The following XPC variants were observed in gnomAD, a reference collection of about 807,000 sequenced individuals.
The protein encoded by XPC is XPC complex subunit, DNA damage recognition and repair factor, also known as DNA repair protein complementing XP-C cells.
XPC carries 76 observed loss-of-function variants against 95.8 expected under a neutral mutation model. The ratio of observed to expected loss-of-function variants is 0.79; its 90% CI spans 0.66 to 0.96. The LOEUF (loss-of-function observed/expected upper bound fraction) is 0.96, where lower values mean the gene tolerates loss of function less well. Ranked by LOEUF, XPC falls within the 40% of genes least tolerant of loss-of-function variation. XPC has a pLI of 0.00. For missense variants in XPC, 1,146 were observed against 1,179.8 expected (o/e 0.97, Z 0.42); for synonymous variants, 442 against 442.1 (o/e 1.00, Z 0.00).
intron 11 of XPC, among the ~76,000 whole-genome samples, chr3:14,151,004 A>G (rs2607734): frequency 0.65 from 98,598 of 151,912 alleles, 32,300 homozygotes; most frequent in African/African-American, 0.73. Flanking sequence ...AGTGACTGAC[A>G]GGGGAATGGA....
chr3:14,164,773 C>T (rs1696304281), intron 7 of XPC, 40 bp downstream of exon 7: 1 of 1,598,794 alleles, frequency 6.3e-7, no homozygotes, highest in Non-Finnish European at 8.6e-7. Context: ...CATTAGTTAA[C>T]AGTACTGATA....
chr3:14,147,042 A>G (rs1695467813), intron 15 of XPC, among the ~76,000 whole-genome samples: 1 of 152,134 alleles, frequency 6.6e-6, no homozygotes, highest in African/African-American at 2.4e-5. Flanking sequence ...GGCATTGCTC[A>G]TGTGGACAGT....
Position 14,164,874 on chromosome 3 carries a change from T to A in XPC, c.839A>T (p.Gln280Leu), listed in dbSNP as rs768346043. 9 of 1,613,030 alleles carry A rather than the reference T, an allele frequency of 5.6e-6. 1 individual carries two copies. The South Asian group carries it at 9.9e-5, about 18-fold the overall frequency. The change falls in exon 7 of 16, where the codon CAG (glutamine) becomes CTG (leucine). Residue 280 changes from glutamine (Q) to leucine (L), a missense_variant. By Grantham distance (113) the Gln-to-Leu change is moderately radical. Transcript: ENST00000285021. ...ELSASEQDNLQTTLERRFAIY... is the reference protein window; with the variant it reads ...ELSASEQDNLLTTLERRFAIY... ...AGCAAATCTCCTTTCCAATGTAGTC[T>A]GCAGGTTATCTTGTTCACTGGCTGA...
Position 14,164,911 on chromosome 3 carries a change from T to C in XPC, c.802A>G (p.Asn268Asp). The C allele has an allele frequency of 6.2e-7, 1 of 1,611,904 alleles. No homozygotes were observed. The highest frequency in any genetic ancestry group is 8.5e-7 in the Non-Finnish European group (1 of 1,178,972). The part of the protein sequence containing the change: ...VKWFIGTFTV[N>D]AELSASEQDN... ...TGTTCACTGGCTGAAAGTTCTGCAT[T>C]AACTGTAAATGTTCCAATGAACCTG... Residue 268 changes from asparagine to aspartate, a missense_variant, in exon 7 of 16, where the codon AAT (asparagine) becomes GAT (aspartate). Asn to Asp is a conservative substitution (Grantham distance 23). Transcript: ENST00000285021.
At chr3:14,162,354 C>T (rs1483886134) in intron 7 of XPC, among the ~76,000 whole-genome samples, 4 of 152,168 alleles carry the variant, frequency 2.6e-5, no homozygotes, top group Non-Finnish European at 5.9e-5. Flanking sequence ...AACAGAGTTA[C>T]ACTGAGGCTT....
At position 14,147,938 on chromosome 3, in the gene XPC, C is replaced by A; in HGVS notation, c.2484G>T (p.Glu828Asp). Reference sequence around the variant, plus strand: ...TCTCCTTCCTTTCAATGACTGCCTGCTCATTTTCCCAGGCAGTCAGGAGCA... The same window carrying A: ...TCTCCTTCCTTTCAATGACTGCCTGATCATTTTCCCAGGCAGTCAGGAGCA... ...KDVLLTAWEN[E>D]QAVIERKEKE... is the part of the protein sequence containing the mutation. Residue 828 changes from glutamate to aspartate, a missense_variant, in exon 14 of 16, where the codon GAG becomes GAT. Transcript: ENST00000285021. 6.2e-7 allele frequency: 1 copy of A among 1,603,692 alleles called. No individual in the cohort carries two copies. The highest frequency in any genetic ancestry group is 8.5e-7 in the Non-Finnish European group (1 of 1,174,694).
Position 14,147,901 on chromosome 3 carries a change from C to A in XPC, c.2514+7G>T. The A allele has an allele frequency of 6.3e-7, 1 of 1,592,470 alleles. No individual in the cohort carries two copies. The highest frequency in any genetic ancestry group is 1.8e-5 in the Admixed American group (1 of 57,020). On this transcript the variant is annotated splice_region_variant and intron_variant, in intron 14 of 15. Coordinates refer to ENST00000285021, the MANE Select transcript of XPC (RefSeq NM_004628.5). ...CTGCTGTCCCTCAGTCCTGCATATG[C>A]GCTTACCTCCTTCTCCTTCCTTTCA...
chr3:14,161,608 A>C (rs1696169146), intron 7 of XPC, among the ~76,000 whole-genome samples: 2 of 150,756 alleles, frequency 1.3e-5, no homozygotes, highest in Admixed American at 1.3e-4. Context: ...CACCTGAGAC[A>C]ATCCAACAGG....
intron 1 of XPC, among the ~76,000 whole-genome samples, chr3:14,177,461 T>C (rs893429189): frequency 6.6e-6 from 1 of 152,014 alleles, no homozygotes; most frequent in African/African-American, 2.4e-5. Flanking sequence ...GTAAAAGCCA[T>C]GGGGGGTTCA....
At chr3:14,151,490 G>A (rs1011879422) in intron 11 of XPC, 4 of 152,156 alleles carry the variant, frequency 2.6e-5, no homozygotes, top group Non-Finnish European at 5.9e-5. Context: ...GCCCAGGCAG[G>A]GGGCATCGCC....
rs2125026391 is a variant in XPC, at chr3:14,158,755, G to C, written c.1128C>G (p.Thr376=). The change falls in exon 9 of 16, where the codon ACC becomes ACG. Residue 376 remains threonine (T), a synonymous_variant. Transcript: ENST00000285021. This position sits in a 1 kb window ranked among gnomAD's most constrained non-coding sequence, Gnocchi z 5.2. ...TKQEETFAKG[T]CRPSAKGKRN... ...TCTTCCCTTTGGCACTTGGCCTGCA[G>C]GTGCCCTTAGCAAAGGTTTCCTCTT... The C allele has an allele frequency of 1.2e-6, 2 of 1,613,896 alleles. No individual in the cohort carries two copies. Among genetic ancestry groups the C allele is most frequent in the Non-Finnish European group, 1.7e-6 (2 of 1,179,882 alleles).
intron 1 of XPC, 151 bp downstream of exon 1, chr3:14,178,315 G>GGCCGGCCGCA (rs915460111): frequency 3.4e-6 from 3 of 870,074 alleles, no homozygotes; most frequent in Non-Finnish European, 5.0e-6. Context: ...CAGCGGGGAG[G>GGCCGGCCGCA]GCCGGCCGCA....
In XPC at chr3:14,165,470, G is replaced by A. The variant is rs1443207363; in HGVS notation, c.737C>T (p.Pro246Leu). The A allele has an allele frequency of 2.5e-6, 4 of 1,604,160 alleles. No individual in the cohort carries two copies. Among genetic ancestry groups the A allele is most frequent in the Non-Finnish European group, 3.4e-6 (4 of 1,175,210 alleles). Residue 246 changes from proline to leucine, a missense_variant, in exon 6 of 16, where the codon CCT (proline) becomes CTT (leucine). Pro to Leu is a moderately conservative substitution (Grantham distance 98). Coordinates refer to ENST00000285021, the MANE Select transcript of XPC (RefSeq NM_004628.5). ...GAGGTAGTAGGTGTCCACATCTCGAGGCAGCACTCTGGTAAAGCGGGCTGG... is the reference window on the plus strand; with the variant it reads ...GAGGTAGTAGGTGTCCACATCTCGAAGCAGCACTCTGGTAAAGCGGGCTGG... ...IIPARFTRVLPRDVDTYYLSN... is the reference protein window; with the variant it reads ...IIPARFTRVLLRDVDTYYLSN...
intron 10 of XPC, among the ~76,000 whole-genome samples, chr3:14,153,791 T>C (rs1049987745): frequency 1.3e-5 from 2 of 152,312 alleles, no homozygotes. Flanking sequence ...CTAGGGACAG[T>C]GAGCTTGCCC....
In XPC at chr3:14,147,350, C is replaced by T. The variant is rs1317050260; in HGVS notation, c.2544G>A (p.Trp848Ter). Residue 848 changes from tryptophan (W) to a stop codon, truncating the protein, a stop_gained, in exon 15 of 16, where the codon TGG becomes TGA. Coordinates refer to ENST00000285021, the MANE Select transcript of XPC (RefSeq NM_004628.5). LOFTEE classifies it high-confidence loss of function. ...TGAGCAGACCTTTGGCCAGCAACTT[C>T]CAGTTCCCTAGAGCCCGCTTCTCCT... is the stretch of plus-strand genomic sequence containing the variant. ...EKKEKRALGN[W>*]KLLAKGLLIR... is the part of the protein sequence containing the mutation. The T allele has an allele frequency of 5.6e-6, 9 of 1,611,680 alleles. No homozygotes were observed. Among genetic ancestry groups the T allele is most frequent in the Non-Finnish European group, 7.6e-6 (9 of 1,178,998 alleles).
chr3:14,158,518 G>A lies in XPC; in HGVS notation c.1365C>T (p.Pro455=), dbSNP rs753527196. The A allele has an allele frequency of 1.9e-6, 3 of 1,612,510 alleles. No individual in the cohort carries two copies. In the Admixed American group the frequency reaches 5.0e-5, roughly 27 times the overall value. Residue 455 remains proline (P), a synonymous_variant, in exon 9 of 16, where the codon CCC becomes CCT. Coordinates refer to ENST00000285021, the MANE Select transcript of XPC (RefSeq NM_004628.5). The surrounding 1 kb of genome is among the most constrained non-coding windows in gnomAD (Gnocchi z 5.2). The stretch of plus-strand genomic sequence containing the variant: ...GGCCAGGTTCGGAATCCTCATCAGA[G>A]GGATCAGAGGCTTCTCCACTGGAGA... ...FELSSGEASD[P]SDEDSEPGPP... is the part of the protein sequence containing the mutation.
chr3:14,147,757 T>C, intron 14 of XPC, 151 bp downstream of exon 14: 1 of 689,394 alleles, frequency 1.5e-6, no homozygotes, highest in Non-Finnish European at 2.5e-6. Flanking sequence ...CCTGCTGTAT[T>C]CAGTGCTCGC....
In XPC at chr3:14,168,251, G is replaced by C. The variant is rs1416188991; in HGVS notation, c.536+6C>G. 6.2e-7 allele frequency: 1 copy of C among 1,609,798 alleles called. No individual in the cohort carries two copies. The highest frequency in any genetic ancestry group is 1.3e-5 in the African/African-American group (1 of 74,702). Reference sequence around the variant, plus strand: ...CAGGAGCCTAGAAGCAAGGGCCTAAGCTTACCTTCTTTCTCTTGTCTTCGC... The same window carrying C: ...CAGGAGCCTAGAAGCAAGGGCCTAACCTTACCTTCTTTCTCTTGTCTTCGC... On this transcript the variant is annotated splice_donor_region_variant and intron_variant, in intron 4 of 15. Coordinates refer to ENST00000285021, the MANE Select transcript of XPC (RefSeq NM_004628.5).
chr3:14,147,839 A>C (rs2125008066), intron 14 of XPC, 69 bp downstream of exon 14: 11 of 1,399,744 alleles, frequency 7.9e-6, no homozygotes, highest in Non-Finnish European at 1.1e-5. Context: ...CGGCCTGGGG[A>C]AGGAAGAGGC....
Sources: allele counts gnomAD v4.1 joint callset (sites outside exome capture counted in the v4.1 genomes callset), GRCh38; gene constraint gnomAD v4.1.1; non-coding constraint Gnocchi (gnomAD v3.1); transcripts MANE v1.5; gene names NCBI Gene and HGNC (gene_info 2026-07-23, HGNC 2026-07-21).